LCA5L: variants seen among roughly 807,000 people sequenced by gnomAD.
LCA5L encodes the protein lebercilin LCA5 like.
In LCA5L, 35 loss-of-function variants were observed where a neutral mutation model predicts 45.4. The ratio of observed to expected loss-of-function variants is 0.77; its 90% confidence interval spans 0.59 to 1.02. LCA5L has a LOEUF of 1.02. LCA5L is among the 50% of genes least tolerant of loss of function. The probability of loss-of-function intolerance (pLI) is 0.00; values close to 1 mark genes in which losing one functional copy is unlikely to be tolerated. For synonymous variants in LCA5L, 233 were observed against 264.7 expected (o/e 0.88, Z 1.16); for missense variants, 668 against 761.6 (o/e 0.88, Z 1.45).
intron 2 of LCA5L, 25 bp downstream of exon 2, chr21:39,444,110 G>A (rs1435952353): frequency 6.6e-6 from 1 of 151,706 alleles, no homozygotes; most frequent in Non-Finnish European, 1.5e-5. Flanking sequence ...CACATTGATC[G>A]CGGTATCAGC....
rs550375272 is a variant in LCA5L at position 39,409,875 on chromosome 21, C to T, written c.1282+104G>A. 12 of 664,366 alleles carry T rather than the reference C, an allele frequency of 1.8e-5. No homozygotes were observed. The highest frequency in any genetic ancestry group is 2.8e-5 in the Non-Finnish European group (11 of 394,990). The allele number at this position is 664,366 out of a possible 1,614,324, so 41.2% of individuals were successfully genotyped here. A position where few individuals can be genotyped will look rare whatever the true frequency, so the allele number is the denominator to read the frequency against. Reference sequence around the variant, plus strand: ...TCCCAAAGTGCTGGGATTACAGGTGCGAGCTGCCATGCCCAGCTGTTTTAT... The same window carrying T: ...TCCCAAAGTGCTGGGATTACAGGTGTGAGCTGCCATGCCCAGCTGTTTTAT... On this transcript the variant is annotated intron_variant, in intron 10 of 10. Transcript: ENST00000288350. The surrounding 1 kb of genome is among the most constrained non-coding windows in gnomAD (Gnocchi z 4.2).
intron 6 of LCA5L, among the ~76,000 whole-genome samples, chr21:39,421,316 G>T (rs1457527148): frequency 6.6e-6 from 1 of 152,088 alleles, no homozygotes; most frequent in African/African-American, 2.4e-5. Context: ...TGGCCAGGCT[G>T]GTCTCAAGCT....
At chr21:39,415,930 G>A (rs762721991) in intron 7 of LCA5L, among the ~76,000 whole-genome samples, 11 of 152,204 alleles carry the variant, frequency 7.2e-5, no homozygotes, top group Middle Eastern at 3.4e-3. Context: ...GTTTAGGTTC[G>A]GTTCGTTGGC....
At chr21:39,408,129 G>A (rs903649169) in intron 10 of LCA5L, among the ~76,000 whole-genome samples, 5 of 152,144 alleles carry the variant, frequency 3.3e-5, no homozygotes, top group East Asian at 1.9e-4. Flanking sequence ...CCAGCCTTGC[G>A]GGGCTGCAGC....
At chr21:39,428,758 G>A (rs946330180) in intron 4 of LCA5L, among the ~76,000 whole-genome samples, 1 of 150,276 alleles carries the variant, frequency 6.7e-6, no homozygotes, top group African/African-American at 2.4e-5. Context: ...GACTACGAGT[G>A]TGTGCCGTCA....
At chr21:39,415,769 A>AT (rs1168898686) in intron 7 of LCA5L, among the ~76,000 whole-genome samples, 2 of 151,862 alleles carry the variant, frequency 1.3e-5, no homozygotes, top group African/African-American at 4.8e-5. Flanking sequence ...CTCACCTCTT[A>AT]TTTTTTCTGC....
chr21:39,439,084 T>C (rs1170808072), intron 2 of LCA5L: 7 of 152,202 alleles, frequency 4.6e-5, no homozygotes, highest in African/African-American at 1.4e-4. Context: ...AGATTATCCA[T>C]GTGGACCTAA....
chr21:39,443,978 C>T (rs2077133464), intron 2 of LCA5L, 157 bp downstream of exon 2: 1 of 150,540 alleles, frequency 6.6e-6, no homozygotes, highest in African/African-American at 2.5e-5. Context: ...TGCAGTGAGC[C>T]GAGATCTTGC....
In LCA5L at chr21:39,416,936, C is replaced by T. The variant is rs946900852; in HGVS notation, c.975+3770G>A. Among the ~76,000 whole-genome samples, 22 of 152,198 alleles carry T rather than the reference C, an allele frequency of 1.4e-4. 1 individual carries two copies. Among genetic ancestry groups the T allele is most frequent in the East Asian group, 7.7e-4 (4 of 5,200 alleles). On this transcript the variant is annotated intron_variant, in intron 7 of 10. Coordinates refer to ENST00000288350, the MANE Select transcript of LCA5L (RefSeq NM_152505.4). ...TGTGCCACCAATAGGATACAGTCAG[C>T]GTTCCCTGTCTGCAGGTTCTGCATC...
At position 39,411,790 on chromosome 21, in the gene LCA5L, C is replaced by T. The variant is rs1258139964; in HGVS notation, c.988G>A (p.Glu330Lys). ...CTATAGATGTTTTTAATTTCAAGCT[C>T]ACGATCCTTTTCCTAAAAAGAACCA... ...LQQKLKEKDR[E>K]LEIKNIYSHR... Residue 330 changes from glutamate (E) to lysine (K), a missense_variant, in exon 8 of 11, where the codon GAG becomes AAG. Coordinates refer to ENST00000288350, the MANE Select transcript of LCA5L (RefSeq NM_152505.4). 1 of 1,584,024 alleles carries T rather than the reference C, an allele frequency of 6.3e-7. No homozygotes were observed. Among genetic ancestry groups the T allele is most frequent in the Admixed American group, 1.7e-5 (1 of 57,980 alleles).
At chr21:39,422,850 A>G (rs775986626) in intron 6 of LCA5L, 126 bp downstream of exon 6, 94 of 858,150 alleles carry the variant, frequency 1.1e-4, no homozygotes, top group Non-Finnish European at 1.6e-4. Context: ...ATAATTATTT[A>G]GTGCAGCACG....
intron 2 of LCA5L, among the ~76,000 whole-genome samples, chr21:39,438,325 T>A (rs7280724): frequency 0.019 from 2,940 of 152,296 alleles, 95 homozygotes; most frequent in African/African-American, 0.065. Flanking sequence ...TTGCATTTCT[T>A]ACACTAAAAT....
intron 2 of LCA5L, among the ~76,000 whole-genome samples, chr21:39,442,575 C>T (rs1243230349): frequency 6.6e-6 from 1 of 152,040 alleles, no homozygotes; most frequent in Non-Finnish European, 1.5e-5. Flanking sequence ...GTGTCCACGA[C>T]AATGAAGAGA....
chr21:39,417,695 T>A (rs115026981), intron 7 of LCA5L, among the ~76,000 whole-genome samples: 2,107 of 152,282 alleles, frequency 0.014, 41 homozygotes, highest in African/African-American at 0.046. Context: ...GCAAAAGGAC[T>A]TCTTACATGG....
chr21:39,426,590 C>A (rs2074749122), intron 5 of LCA5L, among the ~76,000 whole-genome samples: 1 of 152,180 alleles, frequency 6.6e-6, no homozygotes, highest in South Asian at 2.1e-4. Flanking sequence ...TATATTTTTG[C>A]AGTGAAATTA....
intron 6 of LCA5L, chr21:39,421,606 T>TA (rs1487356444): frequency 1.3e-5 from 2 of 152,198 alleles, no homozygotes; most frequent in Non-Finnish European, 2.9e-5. Context: ...GGAGAACTGT[T>TA]AGATCTGGAC....
chr21:39,433,907 G>C (rs990243019), intron 3 of LCA5L, among the ~76,000 whole-genome samples: 1 of 148,578 alleles, frequency 6.7e-6, no homozygotes, highest in Admixed American at 6.7e-5. Flanking sequence ...TGGACTACAG[G>C]TCCATGCCAC....
chr21:39,423,110 A>G lies in LCA5L; in HGVS notation c.703T>C (p.Leu235=), dbSNP rs2074042452. ...SRKLRETDSQ[L]LKTKDILQAL... ...TGCAAGATATCTTTAGTCTTCAGTA[A>G]CTGGCTGTCAGTTTCTCTAAGTTTC... The change falls in exon 6 of 11, where the codon TTA becomes CTA. Residue 235 remains leucine, a synonymous_variant. Transcript: ENST00000288350. 1 of 1,613,874 alleles carries G rather than the reference A, an allele frequency of 6.2e-7. No homozygotes were observed. Among genetic ancestry groups the G allele is most frequent in the Non-Finnish European group, 8.5e-7 (1 of 1,179,820 alleles).
intron 7 of LCA5L, among the ~76,000 whole-genome samples, chr21:39,418,993 T>C (rs1489450192): frequency 6.6e-6 from 1 of 152,188 alleles, no homozygotes; most frequent in African/African-American, 2.4e-5. Flanking sequence ...ATGTATTCTT[T>C]TTGAAGTTTC....
Sources: gnomAD v4.1 joint callset for allele counts (sites outside exome capture counted in the v4.1 genomes callset) on GRCh38, gnomAD v4.1.1 for gene constraint, Gnocchi (gnomAD v3.1) non-coding constraint, MANE v1.5 for transcripts, NCBI Gene and HGNC (gene_info 2026-07-23, HGNC 2026-07-21) for gene names.